Variants in RAB3GAP1 observed in about 807,000 individuals in gnomAD.
RAB3GAP1 encodes the protein rab3 GTPase-activating protein catalytic subunit.
RAB3GAP1 carries 86 observed loss-of-function variants against 130.7 expected under a neutral mutation model. That is an observed-to-expected ratio of 0.66 (90% confidence interval 0.55 to 0.79). The LOEUF is 0.79. Ranked by LOEUF, RAB3GAP1 falls within the 30% of genes least tolerant of loss-of-function variation. The probability of loss-of-function intolerance (pLI) is 0.00; values close to 1 mark genes in which losing one functional copy is unlikely to be tolerated. For synonymous variants in RAB3GAP1, 367 were observed against 401.7 expected (o/e 0.91, Z 1.03); for missense variants, 1,029 against 1,169.4 (o/e 0.88, Z 1.75).
At chr2:135,109,566 A>G (rs973844613) in intron 5 of RAB3GAP1, among the ~76,000 whole-genome samples, 1 of 151,418 alleles carries the variant, frequency 6.6e-6, no homozygotes, top group Non-Finnish European at 1.5e-5. Flanking sequence ...TTTGCTCTCC[A>G]AAAAAAATTT....
chr2:135,078,422 T>C (rs1483149083), intron 3 of RAB3GAP1, among the ~76,000 whole-genome samples: 1 of 152,178 alleles, frequency 6.6e-6, no homozygotes, highest in African/African-American at 2.4e-5. Flanking sequence ...TTTTTGTTTT[T>C]TGTTTTGCTA....
intron 3 of RAB3GAP1, among the ~76,000 whole-genome samples, chr2:135,078,845 A>G (rs932764415): frequency 1.3e-5 from 2 of 151,202 alleles, no homozygotes; most frequent in South Asian, 4.2e-4. Flanking sequence ...ACACCTCACT[A>G]ATTTTTTTAT....
intron 8 of RAB3GAP1, among the ~76,000 whole-genome samples, chr2:135,122,033 C>T (rs1691215390): frequency 6.6e-6 from 1 of 151,850 alleles, no homozygotes; most frequent in Non-Finnish European, 1.5e-5. Flanking sequence ...GCGGAGGTTG[C>T]AGTGAGCTGA....
At chr2:135,131,503 T>C (rs764906464) in intron 13 of RAB3GAP1, among the ~76,000 whole-genome samples, 81 of 152,336 alleles carry the variant, frequency 5.3e-4, no homozygotes, top group Admixed American at 2.4e-3. Context: ...CTGCTGGGAT[T>C]ACAGGCGTGA....
At chr2:135,058,215 A>G (rs1689070753) in intron 3 of RAB3GAP1, 129 bp downstream of exon 3, 1 of 768,684 alleles carries the variant, frequency 1.3e-6, no homozygotes, top group Admixed American at 2.2e-5. Context: ...TAAACATCAA[A>G]TAGCATTTGG....
intron 17 of RAB3GAP1, among the ~76,000 whole-genome samples, chr2:135,138,727 G>A (rs2104957140): frequency 6.6e-6 from 1 of 151,560 alleles, no homozygotes; most frequent in African/African-American, 2.4e-5. Context: ...TCTGACCTTA[G>A]CCTCCTAGGT....
rs80312826 is a variant in RAB3GAP1, at chr2:135,061,443, C to T, written c.150+3357C>T. The stretch of plus-strand genomic sequence containing the variant: ...ATTCTCACCAACAATCAGTTGTTTG[C>T]AGTCATGTATATTTTAGTCATCTTA... On this transcript the variant is annotated intron_variant, in intron 3 of 23. Coordinates refer to ENST00000264158, the MANE Select transcript of RAB3GAP1 (RefSeq NM_012233.3). Among the ~76,000 whole-genome samples the T allele has an allele frequency of 1.0e-2, 1,522 of 152,244 alleles. 23 individuals carry two copies. The highest frequency in any genetic ancestry group is 0.035 in the African/African-American group (1,449 of 41,538).
intron 17 of RAB3GAP1, among the ~76,000 whole-genome samples, chr2:135,139,200 G>A (rs150011381): frequency 6.6e-6 from 1 of 152,130 alleles, no homozygotes; most frequent in Non-Finnish European, 1.5e-5. Flanking sequence ...AAAAACATAT[G>A]TTCATGTATT....
At chr2:135,074,745 C>T (rs1172022826) in intron 3 of RAB3GAP1, among the ~76,000 whole-genome samples, 3 of 152,184 alleles carry the variant, frequency 2.0e-5, no homozygotes, top group Non-Finnish European at 4.4e-5. Flanking sequence ...TAGGTAAAGA[C>T]AGGCAGATTT....
At chr2:135,106,198 C>T (rs948717764) in intron 5 of RAB3GAP1, among the ~76,000 whole-genome samples, 1 of 152,028 alleles carries the variant, frequency 6.6e-6, no homozygotes, top group Non-Finnish European at 1.5e-5. Context: ...CTCTGCCCGG[C>T]GGCCCCTTCT....
At chr2:135,138,208 C>T (rs1038945927) in intron 17 of RAB3GAP1, among the ~76,000 whole-genome samples, 4 of 149,906 alleles carry the variant, frequency 2.7e-5, no homozygotes, top group South Asian at 2.1e-4. Flanking sequence ...TTTGGGAGGC[C>T]GAGGTGGGGT....
intron 11 of RAB3GAP1, among the ~76,000 whole-genome samples, chr2:135,127,437 G>A (rs1358240869): frequency 6.6e-6 from 1 of 151,872 alleles, no homozygotes; most frequent in African/African-American, 2.4e-5. Context: ...TCCGCCTCCC[G>A]GGTTCACGCC....
rs371322512 is a variant in RAB3GAP1 at position 135,116,625 on chromosome 2, T to A, written c.648+1244T>A. 3.3e-5 allele frequency among the ~76,000 whole-genome samples: 5 copies of A among 152,190 alleles called. No homozygotes were observed. In the East Asian group the frequency reaches 7.7e-4, roughly 23 times the overall value. On this transcript the variant is annotated intron_variant, in intron 7 of 23. Transcript: ENST00000264158. ...TTAGAAAATAGTATCAATGTTTAAT[T>A]TATTGAGTGTGATAATTGTATTATA...
At chr2:135,116,217 C>T (rs1690968236) in intron 7 of RAB3GAP1, among the ~76,000 whole-genome samples, 1 of 152,042 alleles carries the variant, frequency 6.6e-6, no homozygotes, top group African/African-American at 2.4e-5. Flanking sequence ...GAGATAGTGG[C>T]AGCTTTAGCA....
chr2:135,141,114 A>G (rs1158586212), intron 17 of RAB3GAP1, among the ~76,000 whole-genome samples: 1 of 151,352 alleles, frequency 6.6e-6, no homozygotes, highest in Non-Finnish European at 1.5e-5. Flanking sequence ...TTTTTTCTTA[A>G]AGCAGTTGTC....
intron 3 of RAB3GAP1, among the ~76,000 whole-genome samples, chr2:135,061,944 T>G (rs1169679988): frequency 6.6e-6 from 1 of 152,166 alleles, no homozygotes; most frequent in Non-Finnish European, 1.5e-5. Context: ...CTTTATTGAG[T>G]AGTTGACCTA....
intron 5 of RAB3GAP1, among the ~76,000 whole-genome samples, chr2:135,110,981 AAG>A (rs1690787675): frequency 6.6e-6 from 1 of 152,190 alleles, no homozygotes; most frequent in Non-Finnish European, 1.5e-5. Context: ...ATTTGAAAAA[AAG>A]AAAACTATTT....
chr2:135,168,782 TTC>T lies in RAB3GAP1; in HGVS notation c.*3_*4del, dbSNP rs776996334. On this transcript the variant is annotated 3_prime_UTR_variant, in exon 24 of 24. Coordinates refer to ENST00000264158, the MANE Select transcript of RAB3GAP1 (RefSeq NM_012233.3). ...TTCATCAGATACTTCCTTCTTCTGA[TTC>T]TTCTAGCATTACTCGTTGGTGGCTT... 1 of 1,610,448 alleles carries T rather than the reference TTC, an allele frequency of 6.2e-7. No individual in the cohort carries two copies. Among genetic ancestry groups the T allele is most frequent in the Non-Finnish European group, 8.5e-7 (1 of 1,176,618 alleles).
intron 3 of RAB3GAP1, among the ~76,000 whole-genome samples, chr2:135,088,695 A>G (rs1690055091): frequency 6.6e-6 from 1 of 151,204 alleles, no homozygotes; most frequent in South Asian, 2.1e-4. Context: ...TCTCAAAAAA[A>G]AAAAAAAAAA....
Sources: allele counts gnomAD v4.1 joint callset (sites outside exome capture counted in the v4.1 genomes callset), GRCh38; gene constraint gnomAD v4.1.1; transcripts MANE v1.5; gene names NCBI Gene and HGNC (gene_info 2026-07-23, HGNC 2026-07-21).